LRRTM4: variants seen among roughly 807,000 people sequenced by gnomAD.
LRRTM4 encodes the protein leucine-rich repeat transmembrane neuronal protein 4.
Under a neutral mutation model 47.6 loss-of-function variants are expected in LRRTM4, and 25 were observed. The ratio of observed to expected loss-of-function variants is 0.53; its 90% CI spans 0.38 to 0.73. The LOEUF is 0.73. Among genes scored for constraint, LRRTM4 ranks in the 30% least tolerant of loss-of-function variants. The pLI is 0.00. For missense variants in LRRTM4, 638 were observed against 713.4 expected (o/e 0.89, Z 1.20); for synonymous variants, 311 against 269.5 (o/e 1.15, Z -1.51).
intron 3 of LRRTM4, among the ~76,000 whole-genome samples, chr2:77,506,394 T>G (rs1283793386): frequency 6.6e-6 from 1 of 151,648 alleles, no homozygotes; most frequent in South Asian, 2.1e-4. Flanking sequence ...GTAAAAGCAA[T>G]GTAAGAAAAC....
chr2:76,998,789 A>G (rs1306925820), intron 3 of LRRTM4, among the ~76,000 whole-genome samples: 1 of 149,120 alleles, frequency 6.7e-6, no homozygotes, highest in Non-Finnish European at 1.5e-5. Context: ...TTTTTCCTTA[A>G]CATCAGGCGT....
At chr2:76,871,482 C>G (rs1672622236) in intron 3 of LRRTM4, among the ~76,000 whole-genome samples, 1 of 152,102 alleles carries the variant, frequency 6.6e-6, no homozygotes, top group East Asian at 1.9e-4. Flanking sequence ...TGGGAATCGC[C>G]TGTATTGAAT....
chr2:77,206,342 C>G (rs1225792574), intron 3 of LRRTM4, among the ~76,000 whole-genome samples: 2 of 151,706 alleles, frequency 1.3e-5, no homozygotes, highest in Non-Finnish European at 2.9e-5. Flanking sequence ...CCAAGTCCAG[C>G]TAATTTTTGT....
chr2:77,487,960 A>C (rs879817914), intron 3 of LRRTM4, among the ~76,000 whole-genome samples: 1 of 152,154 alleles, frequency 6.6e-6, no homozygotes, highest in Non-Finnish European at 1.5e-5. Flanking sequence ...TCCAGTTGTC[A>C]GCATACCTCA....
At chr2:76,834,644 T>G (rs1671456358) in intron 3 of LRRTM4, among the ~76,000 whole-genome samples, 1 of 152,076 alleles carries the variant, frequency 6.6e-6, no homozygotes, top group African/African-American at 2.4e-5. Context: ...GCTCAAACTC[T>G]TATTCAAAGA....
chr2:77,211,573 G>C (rs948565249), intron 3 of LRRTM4, among the ~76,000 whole-genome samples: 2 of 152,096 alleles, frequency 1.3e-5, no homozygotes, highest in Non-Finnish European at 2.9e-5. Flanking sequence ...AATATATTAA[G>C]AGTATATATT....
intron 3 of LRRTM4, among the ~76,000 whole-genome samples, chr2:77,103,668 T>G (rs1027965841): frequency 7.4e-5 from 8 of 108,362 alleles, no homozygotes; most frequent in Non-Finnish European, 1.3e-4. Flanking sequence ...TATATAGATA[T>G]ATATATCACA....
rs76744852 is a variant in LRRTM4, at chr2:76,785,284, C to G, written c.1552-36368G>C. ...TTTTCTCAAATGTGGGACTACAGTT[C>G]TGCTCCTCAAGTAAAAGCCCATGAA... is the stretch of plus-strand genomic sequence containing the variant. On this transcript the variant is annotated intron_variant, in intron 3 of 3. Transcript: ENST00000409884. Among the ~76,000 whole-genome samples, 638 of 152,178 alleles carry G rather than the reference C, an allele frequency of 4.2e-3. 3 individuals carry two copies. Among genetic ancestry groups the G allele is most frequent in the African/African-American group, 0.015 (614 of 41,530 alleles).
intron 3 of LRRTM4, among the ~76,000 whole-genome samples, chr2:77,167,057 T>A (rs978675701): frequency 4.6e-5 from 7 of 152,024 alleles, no homozygotes; most frequent in Non-Finnish European, 7.4e-5. Flanking sequence ...AATCTACGCA[T>A]CTGACAAAGG....
chr2:76,879,576 T>C (rs545267864), intron 3 of LRRTM4, among the ~76,000 whole-genome samples: 17 of 152,328 alleles, frequency 1.1e-4, no homozygotes, highest in African/African-American at 4.1e-4. Flanking sequence ...TGAGCTCTTA[T>C]GGAGATATGC....
intron 3 of LRRTM4, among the ~76,000 whole-genome samples, chr2:77,383,202 T>C (rs1673129336): frequency 6.6e-6 from 1 of 152,122 alleles, no homozygotes; most frequent in Non-Finnish European, 1.5e-5. Context: ...AATAATTTTA[T>C]GCTTAGGATA....
chr2:76,969,991 A>T (rs1676163162), intron 3 of LRRTM4, among the ~76,000 whole-genome samples: 1 of 151,944 alleles, frequency 6.6e-6, no homozygotes, highest in South Asian at 2.1e-4. Flanking sequence ...TTCAAATCAG[A>T]AACAATTTTT....
intron 3 of LRRTM4, among the ~76,000 whole-genome samples, chr2:77,094,403 T>A (rs942578805): frequency 6.6e-6 from 1 of 152,042 alleles, no homozygotes. Flanking sequence ...AATTCTAGTA[T>A]TTTTTTAGAG....
At chr2:77,125,686 A>C (rs1335893441) in intron 3 of LRRTM4, among the ~76,000 whole-genome samples, 2 of 152,132 alleles carry the variant, frequency 1.3e-5, no homozygotes, top group Non-Finnish European at 2.9e-5. Flanking sequence ...TAGTGTGTGC[A>C]TGTGATTTGA....
At chr2:76,857,647 C>G (rs1278320793) in intron 3 of LRRTM4, among the ~76,000 whole-genome samples, 1 of 152,032 alleles carries the variant, frequency 6.6e-6, no homozygotes, top group Non-Finnish European at 1.5e-5. Flanking sequence ...AAATAAATGT[C>G]CTGCATAATT....
chr2:77,175,387 C>T lies in LRRTM4; in HGVS notation c.1551+342931G>A, dbSNP rs760172375. On this transcript the variant is annotated intron_variant, in intron 3 of 3. Coordinates refer to ENST00000409884, the MANE Select transcript of LRRTM4 (RefSeq NM_001134745.3). ...TAAAGGGTGGAAGGCTACCCTGACG[C>T]ACCATAATCTAAGCCCAGGGCATAA... 3.9e-5 allele frequency among the ~76,000 whole-genome samples: 6 copies of T among 152,054 alleles called. No homozygotes were observed. In the East Asian group the frequency reaches 7.7e-4, roughly 20 times the overall value.
At chr2:77,389,808 T>C (rs1413025380) in intron 3 of LRRTM4, among the ~76,000 whole-genome samples, 1 of 152,086 alleles carries the variant, frequency 6.6e-6, no homozygotes, top group African/African-American at 2.4e-5. Flanking sequence ...TTTTTCCTCC[T>C]TCCTTCCCTT....
At chr2:77,322,941 A>T (rs1360258586) in intron 3 of LRRTM4, among the ~76,000 whole-genome samples, 2 of 151,804 alleles carry the variant, frequency 1.3e-5, no homozygotes, top group Non-Finnish European at 2.9e-5. Flanking sequence ...TATATTAGTA[A>T]TAAAAACACT....
At chr2:77,000,778 C>T (rs1677391881) in intron 3 of LRRTM4, among the ~76,000 whole-genome samples, 1 of 151,808 alleles carries the variant, frequency 6.6e-6, no homozygotes, top group Non-Finnish European at 1.5e-5. Context: ...TATTTAGATT[C>T]TGCTCTCTCA....
Sources: allele counts gnomAD v4.1 joint callset (sites outside exome capture counted in the v4.1 genomes callset), GRCh38; gene constraint gnomAD v4.1.1; transcripts MANE v1.5; gene names NCBI Gene and HGNC (gene_info 2026-07-23, HGNC 2026-07-21).